The following TMC5 variants were observed in gnomAD, a reference collection of about 807,000 sequenced individuals.
The protein encoded by TMC5 is transmembrane channel like 5.
Under a neutral mutation model 110.5 loss-of-function variants are expected in TMC5, and 86 were observed. The ratio of observed to expected loss-of-function variants is 0.78; its 90% confidence interval spans 0.65 to 0.93. TMC5 has a LOEUF of 0.93. Ranked by LOEUF, TMC5 falls within the 40% of genes least tolerant of loss-of-function variation. The pLI is 0.00. For synonymous variants in TMC5, 455 were observed against 439.5 expected (o/e 1.04, Z -0.44); for missense variants, 1,144 against 1,222.8 (o/e 0.94, Z 0.96).
chr16:19,428,852 GTCTC>G, intron 1 of TMC5, among the ~76,000 whole-genome samples: 1 of 151,630 alleles, frequency 6.6e-6, no homozygotes, highest in Non-Finnish European at 1.5e-5. Context: ...TTGAGACAGA[GTCTC>G]TCTCTGTTGC....
upstream of TMC5, among the ~76,000 whole-genome samples, chr16:19,416,487 C>T (rs574594184): frequency 6.6e-6 from 1 of 152,300 alleles, no homozygotes; most frequent in Admixed American, 6.5e-5. Flanking sequence ...TCTTAGGTGG[C>T]TAGAAATAAT....
chr16:19,458,634 C>T (rs1967945319), intron 5 of TMC5, among the ~76,000 whole-genome samples: 1 of 152,134 alleles, frequency 6.6e-6, no homozygotes, highest in Admixed American at 6.6e-5. Flanking sequence ...TAGGTTTAGC[C>T]CCTTTACTGA....
chr16:19,492,214 G>A lies in TMC5; in HGVS notation c.2812G>A (p.Glu938Lys). The A allele has an allele frequency of 6.2e-7, 1 of 1,613,218 alleles. No homozygotes were observed. The highest frequency in any genetic ancestry group is 8.5e-7 in the Non-Finnish European group (1 of 1,179,278). Residue 938 changes from glutamate to lysine, a missense_variant, in exon 19 of 22, where the codon GAG (glutamate) becomes AAG (lysine). Transcript: ENST00000542583. ...GRKIMIRLLHEQIINEGKDKM... is the reference protein window; with the variant it reads ...GRKIMIRLLHKQIINEGKDKM... ...GAAGATTATGATAAGGCTGCTCCAT[G>A]AGCAGATCATTAATGTAAGTCCCCT...
chr16:19,418,277 AAGAGAGTGTTGATTATGAGAACAAGCCCT>A (rs1469807764), intron 1 of TMC5, among the ~76,000 whole-genome samples, 185 bp downstream of exon 1: 1 of 152,154 alleles, frequency 6.6e-6, no homozygotes, highest in Non-Finnish European at 1.5e-5. Context: ...AATGGGAGGC[AAGAGAGTGTTGATTATGAGAACAAGCCCT>A]AGGGTTATCT....
chr16:19,490,426 C>G lies in TMC5; in HGVS notation c.2605C>G (p.Arg869Gly). Residue 869 changes from arginine to glycine, a missense_variant, in exon 18 of 22, where the codon CGA (arginine) becomes GGA (glycine). Arg to Gly is a moderately radical substitution (Grantham distance 125, BLOSUM62 -2). Transcript: ENST00000542583. ...LKPSADCGPF[R>G]GLPLFIHSIY... ...GCCTTCAGCTGACTGTGGCCCTTTT[C>G]GAGGTCTGCCTCTCTTCATTCACTC... 6.2e-7 allele frequency: 1 copy of G among 1,614,144 alleles called. No individual in the cohort carries two copies. Among genetic ancestry groups the G allele is most frequent in the Admixed American group, 1.7e-5 (1 of 60,010 alleles).
At chr16:19,447,891 A>G (rs1244344416) in intron 4 of TMC5, among the ~76,000 whole-genome samples, 1 of 76,656 alleles carries the variant, frequency 1.3e-5, no homozygotes, top group Non-Finnish European at 3.2e-5. Flanking sequence ...ATTGAAGCTC[A>G]GAGATGCTAA....
At chr16:19,434,057 A>G (rs1967255701) in intron 2 of TMC5, among the ~76,000 whole-genome samples, 2 of 8,742 alleles carry the variant, frequency 2.3e-4, no homozygotes, top group Non-Finnish European at 3.7e-4. Context: ...TATATATAAT[A>G]TAAATCTATA....
rs762642614 is a variant in TMC5, at chr16:19,469,672, C to T, written c.1638-9C>T. The T allele has an allele frequency of 6.2e-7, 1 of 1,613,830 alleles. No homozygotes were observed. Among genetic ancestry groups the T allele is most frequent in the Admixed American group, 1.7e-5 (1 of 60,008 alleles). On this transcript the variant is annotated splice_polypyrimidine_tract_variant and intron_variant, in intron 9 of 21. Transcript: ENST00000542583. ...AACCTTCAGGTGTTCTGCTTTCTGC[C>T]TTCTCTAGCATGGCCAAGTATTTCC...
intron 4 of TMC5, among the ~76,000 whole-genome samples, chr16:19,447,557 C>A (rs1967641751): frequency 6.6e-6 from 1 of 151,934 alleles, no homozygotes; most frequent in South Asian, 2.1e-4. Flanking sequence ...CACAACAATC[C>A]TATGTGAAGG....
chr16:19,487,170 G>A (rs763054785), intron 16 of TMC5, 23 bp from the exon 17 acceptor site: 2 of 1,606,808 alleles, frequency 1.2e-6, no homozygotes, highest in Non-Finnish European at 1.7e-6. Context: ...GCAGATGGGA[G>A]GTGGCTGCCT....
intron 20 of TMC5, among the ~76,000 whole-genome samples, chr16:19,495,539 TAAAAC>T (rs1969031101): frequency 6.6e-6 from 1 of 152,178 alleles, no homozygotes. Context: ...TTTAAATACT[TAAAAC>T]AGTAGGTAAT....
chr16:19,492,089 G>A lies in TMC5; in HGVS notation c.2748-61G>A, dbSNP rs184473088. 880 of 1,348,132 alleles carry A rather than the reference G, an allele frequency of 6.5e-4. 1 individual carries two copies. Among genetic ancestry groups the A allele is most frequent in the Non-Finnish European group, 8.6e-4 (811 of 945,080 alleles). 83.5% of individuals were successfully genotyped at this position (1,348,132 alleles called of 1,614,324 possible). A position where few individuals can be genotyped will look rare whatever the true frequency, so the allele number is the denominator to read the frequency against. On this transcript the variant is annotated intron_variant, in intron 18 of 21. Transcript: ENST00000542583. ...AGATTCCAGTTCCTTTGCATCCAGT[G>A]GAAATTCAGAGCCTGCAAAACATTT...
At chr16:19,435,047 A>G (rs1237556051) in intron 2 of TMC5, among the ~76,000 whole-genome samples, 2 of 152,106 alleles carry the variant, frequency 1.3e-5, no homozygotes, top group East Asian at 3.8e-4. Flanking sequence ...TTTTGTTTTC[A>G]TTGGTTCCGA....
chr16:19,479,257 G>A (rs1010585996), intron 13 of TMC5, among the ~76,000 whole-genome samples, 174 bp from the exon 14 acceptor site: 2 of 152,114 alleles, frequency 1.3e-5, no homozygotes, highest in African/African-American at 4.8e-5. Context: ...CAACATCCCT[G>A]GGAACAAACT....
At position 19,444,202 on chromosome 16, in the gene TMC5, G is replaced by A; in HGVS notation, c.910G>A (p.Ala304Thr). The A allele has an allele frequency of 6.2e-7, 1 of 1,613,932 alleles. No homozygotes were observed. Among genetic ancestry groups the A allele is most frequent in the Non-Finnish European group, 8.5e-7 (1 of 1,180,004 alleles). Residue 304 changes from alanine to threonine, a missense_variant, in exon 4 of 22, where the codon GCA becomes ACA. Ala to Thr is a moderately conservative substitution (Grantham distance 58, BLOSUM62 0). Transcript: ENST00000542583. ...EGIEMASMEM[A>T]NSYGHSLPGA... ...CATTGAAATGGCATCCATGGAGATG[G>A]CAAACTCATATGGCCACTCTCTGCC...
chr16:19,435,282 G>C (rs1422821096), intron 2 of TMC5, among the ~76,000 whole-genome samples: 4 of 150,690 alleles, frequency 2.7e-5, no homozygotes, highest in African/African-American at 9.8e-5. Context: ...ATGAGGTCAG[G>C]AGATTGAGAC....
intron 19 of TMC5, among the ~76,000 whole-genome samples, chr16:19,493,463 C>CTCTCTCTCTT (rs748855852): frequency 1.4e-4 from 8 of 58,012 alleles, no homozygotes; most frequent in African/African-American, 2.6e-4. Flanking sequence ...CTCTCTCTCT[C>CTCTCTCTCTT]TCTTTTTTTT....
chr16:19,445,588 C>G (rs1450288001), intron 4 of TMC5, among the ~76,000 whole-genome samples: 2 of 151,718 alleles, frequency 1.3e-5, no homozygotes, highest in Non-Finnish European at 2.9e-5. Context: ...TTCCAGGAAG[C>G]CGTTTGATGG....
intron 1 of TMC5, among the ~76,000 whole-genome samples, chr16:19,419,402 G>GTTTTTTTTTTTTTTTTT (rs55696911): frequency 1.5e-5 from 1 of 65,648 alleles, no homozygotes; most frequent in Non-Finnish European, 2.8e-5. Flanking sequence ...GAATGTGTTG[G>GTTTTTTTTTTTTTTTTT]TTTTTTTTTT....
Sources: allele counts gnomAD v4.1 joint callset (sites outside exome capture counted in the v4.1 genomes callset), GRCh38; gene constraint gnomAD v4.1.1; transcripts MANE v1.5; gene names NCBI Gene and HGNC (gene_info 2026-07-23, HGNC 2026-07-21).